CNTNAP5: variants seen among roughly 807,000 people sequenced by gnomAD.
CNTNAP5 encodes the protein contactin-associated protein-like 5.
Under a neutral mutation model 150.2 loss-of-function variants are expected in CNTNAP5, and 72 were observed. The observed-to-expected ratio is 0.48, with a 90% CI of 0.40 to 0.58. CNTNAP5 has a LOEUF of 0.58. Ranked by LOEUF, CNTNAP5 falls within the 20% of genes least tolerant of loss-of-function variation. The probability of loss-of-function intolerance (pLI) is 0.00; values close to 1 mark genes in which losing one functional copy is unlikely to be tolerated. For missense variants in CNTNAP5, 1,636 were observed against 1,626.2 expected, an observed-to-expected ratio of 1.01 and a Z score of -0.10; for synonymous variants, 672 against 619.8, an observed-to-expected ratio of 1.08 and a Z score of -1.25.
intron 16 of CNTNAP5, among the ~76,000 whole-genome samples, chr2:124,766,045 G>A (rs901928919): frequency 7.2e-5 from 11 of 152,134 alleles, no homozygotes; most frequent in Non-Finnish European, 1.6e-4. Context: ...GTTTGGTGAA[G>A]GGATGTTTTA....
At chr2:124,214,429 G>A (rs905996960) in intron 1 of CNTNAP5, among the ~76,000 whole-genome samples, 2 of 152,130 alleles carry the variant, frequency 1.3e-5, no homozygotes, top group African/African-American at 4.8e-5. Flanking sequence ...TGCAGTGCAG[G>A]GAGTGGTGCT....
intron 10 of CNTNAP5, among the ~76,000 whole-genome samples, chr2:124,554,899 T>A (rs1285721777): frequency 6.6e-6 from 1 of 152,160 alleles, no homozygotes; most frequent in East Asian, 1.9e-4. Flanking sequence ...GGGATCTTCA[T>A]AAGAGAAAAG....
chr2:124,041,559 A>G lies in CNTNAP5; in HGVS notation c.82+15827A>G, dbSNP rs186316409. On this transcript the variant is annotated intron_variant, in intron 1 of 23. Transcript: ENST00000682447. The stretch of plus-strand genomic sequence containing the variant: ...AGTTTAGTTTGTGCTTCTTTTTTTA[A>G]AAAGGAATTAACGTGGAGTCAGATT... 6.2e-3 allele frequency among the ~76,000 whole-genome samples: 947 copies of G among 152,244 alleles called. 7 individuals carry two copies. Among genetic ancestry groups the G allele is most frequent in the Middle Eastern group, 0.02 (6 of 294 alleles).
intron 17 of CNTNAP5, among the ~76,000 whole-genome samples, chr2:124,786,325 G>A (rs544709001): frequency 7.2e-6 from 1 of 138,776 alleles, no homozygotes; most frequent in South Asian, 2.3e-4. Context: ...AAGAAAGGAA[G>A]AAAGAAAGAG....
intron 4 of CNTNAP5, among the ~76,000 whole-genome samples, chr2:124,419,896 TTTTCTTTCTTTCTTTCTTTCTTTCTTTC>T (rs776205045): frequency 1.2e-4 from 10 of 85,198 alleles, no homozygotes; most frequent in African/African-American, 4.8e-4. Flanking sequence ...ACTGGATTGG[TTTTCTTTCTTTCTTTCTTTCTTTCTTTC>T]TTTCTTTCTT....
At chr2:124,356,245 A>T (rs920944145) in intron 3 of CNTNAP5, among the ~76,000 whole-genome samples, 1 of 152,114 alleles carries the variant, frequency 6.6e-6, no homozygotes, top group Non-Finnish European at 1.5e-5. Context: ...ATACTCAATT[A>T]TCTTAACACT....
At position 124,747,379 on chromosome 2, in the gene CNTNAP5, A is replaced by G; in HGVS notation, c.2228A>G (p.Asp743Gly). The G allele has an allele frequency of 1.2e-6, 2 of 1,613,760 alleles. No homozygotes were observed. The highest frequency in any genetic ancestry group is 1.7e-6 in the Non-Finnish European group (2 of 1,179,708). The change falls in exon 14 of 24, where the codon GAT (aspartate) becomes GGT (glycine). Residue 743 changes from aspartate (D) to glycine (G), a missense_variant. Coordinates refer to ENST00000682447, the MANE Select transcript of CNTNAP5 (RefSeq NM_001367498.1). The part of the protein sequence containing the change: ...QHFCNCDADK[D>G]EWTNDTGFLS... ...TTTTGCAATTGCGACGCTGACAAGG[A>G]TGAATGGTAATGAGAATCTCCATCT...
chr2:124,272,179 G>C (rs1687775985), intron 3 of CNTNAP5, among the ~76,000 whole-genome samples: 1 of 152,030 alleles, frequency 6.6e-6, no homozygotes, highest in Non-Finnish European at 1.5e-5. Context: ...GCTATAGATA[G>C]CTAACATCAA....
chr2:124,840,302 G>T (rs764147775), intron 19 of CNTNAP5, among the ~76,000 whole-genome samples: 3 of 152,184 alleles, frequency 2.0e-5, no homozygotes, highest in Non-Finnish European at 4.4e-5. Context: ...GGATATTCTA[G>T]AGAAAGGATG....
intron 1 of CNTNAP5, among the ~76,000 whole-genome samples, chr2:124,168,759 C>G (rs930890851): frequency 3.9e-5 from 6 of 152,054 alleles, no homozygotes; most frequent in Non-Finnish European, 7.4e-5. Flanking sequence ...AATAAAATTA[C>G]CAATGGCTAT....
intron 13 of CNTNAP5, among the ~76,000 whole-genome samples, chr2:124,721,844 C>G (rs1222219210): frequency 6.6e-6 from 1 of 152,116 alleles, no homozygotes; most frequent in Non-Finnish European, 1.5e-5. Context: ...ATTTTATTCT[C>G]TCACAGGTCT....
At chr2:124,840,404 C>A (rs912069194) in intron 19 of CNTNAP5, among the ~76,000 whole-genome samples, 4 of 152,038 alleles carry the variant, frequency 2.6e-5, no homozygotes, top group East Asian at 3.9e-4. Flanking sequence ...TGCCTCAGAG[C>A]CTGGAATATT....
chr2:124,544,125 TAA>T (rs959307126), intron 10 of CNTNAP5, among the ~76,000 whole-genome samples: 13 of 151,822 alleles, frequency 8.6e-5, no homozygotes, highest in African/African-American at 3.1e-4. Flanking sequence ...ACTTAGAAGT[TAA>T]AAAAAAGTGC....
At chr2:124,600,673 A>G (rs1696964553) in intron 11 of CNTNAP5, among the ~76,000 whole-genome samples, 1 of 151,730 alleles carries the variant, frequency 6.6e-6, no homozygotes, top group Admixed American at 6.6e-5. Flanking sequence ...TGGCATGACA[A>G]AAGGAGACAA....
intron 23 of CNTNAP5, among the ~76,000 whole-genome samples, chr2:124,912,216 G>C (rs189078197): frequency 2.2e-4 from 34 of 152,106 alleles, no homozygotes; most frequent in African/African-American, 6.3e-4. Flanking sequence ...TAAGATGCCT[G>C]TGAAAGACCA....
intron 19 of CNTNAP5, among the ~76,000 whole-genome samples, chr2:124,851,979 T>C (rs1244152475): frequency 6.6e-6 from 1 of 152,036 alleles, no homozygotes; most frequent in Non-Finnish European, 1.5e-5. Context: ...AGGATAGTGA[T>C]GGACCAGACA....
At chr2:124,635,557 C>G (rs767060894) in intron 12 of CNTNAP5, among the ~76,000 whole-genome samples, 5 of 152,116 alleles carry the variant, frequency 3.3e-5, no homozygotes, top group African/African-American at 4.8e-5. Flanking sequence ...CCTGACTTCC[C>G]TGGGTGTTCT....
intron 1 of CNTNAP5, among the ~76,000 whole-genome samples, chr2:124,081,778 A>T (rs890047376): frequency 2.6e-5 from 4 of 152,184 alleles, no homozygotes; most frequent in South Asian, 2.1e-4. Flanking sequence ...GTTCATTTTG[A>T]GATAGTTGTA....
intron 7 of CNTNAP5, among the ~76,000 whole-genome samples, chr2:124,478,863 A>C (rs1693703471): frequency 6.6e-6 from 1 of 152,156 alleles, no homozygotes; most frequent in South Asian, 2.1e-4. Context: ...TAAATTATAA[A>C]ATGTGTTTCA....
Sources: gnomAD v4.1 joint callset for allele counts (sites outside exome capture counted in the v4.1 genomes callset) on GRCh38, gnomAD v4.1.1 for gene constraint, MANE v1.5 for transcripts, NCBI Gene and HGNC (gene_info 2026-07-23, HGNC 2026-07-21) for gene names.